Variants in FOXP2 observed in about 807,000 individuals in gnomAD.
FOXP2 encodes forkhead box protein P2.
FOXP2 carries 12 observed loss-of-function variants against 115.8 expected under a neutral mutation model. The observed-to-expected ratio is 0.10, with a 90% confidence interval of 0.07 to 0.17. The LOEUF is 0.17. FOXP2 is among the 10% of genes least tolerant of loss of function. The pLI, the probability that FOXP2 is intolerant of heterozygous loss-of-function variation, is 1.00. For missense variants in FOXP2, 629 were observed against 843.5 expected, an observed-to-expected ratio of 0.75 and a Z score of 3.15; for synonymous variants, 328 against 297.7, an observed-to-expected ratio of 1.10 and a Z score of -1.05.
chr7:114,276,263 T>C (rs561039371), intron 1 of FOXP2, among the ~76,000 whole-genome samples: 1 of 152,188 alleles, frequency 6.6e-6, no homozygotes, highest in East Asian at 1.9e-4. Context: ...GTTCAAGGGA[T>C]TCTACTGCCT....
intron 1 of FOXP2, among the ~76,000 whole-genome samples, chr7:114,149,171 C>T (rs1401033408): frequency 1.3e-5 from 2 of 152,000 alleles, no homozygotes; most frequent in Admixed American, 6.6e-5. Flanking sequence ...TTTCATGGAA[C>T]ATCAGACATT....
chr7:114,211,460 C>A (rs1222439718), intron 1 of FOXP2, among the ~76,000 whole-genome samples: 2 of 152,176 alleles, frequency 1.3e-5, no homozygotes, highest in Non-Finnish European at 2.9e-5. Context: ...GTTCCTTTGG[C>A]TCTGTTCCGC....
At chr7:114,514,795 C>T (rs973067919) in intron 2 of FOXP2, among the ~76,000 whole-genome samples, 5 of 151,148 alleles carry the variant, frequency 3.3e-5, no homozygotes, top group Non-Finnish European at 7.4e-5. Context: ...TATACATGTG[C>T]CATGCTGGTG....
chr7:114,249,024 A>G (rs1795362246), intron 1 of FOXP2, among the ~76,000 whole-genome samples: 3 of 152,174 alleles, frequency 2.0e-5, no homozygotes. Context: ...CATAGCAGAT[A>G]TAGTAATGAA....
chr7:114,325,417 G>T (rs537717811), intron 2 of FOXP2, among the ~76,000 whole-genome samples: 5 of 151,800 alleles, frequency 3.3e-5, no homozygotes, highest in Admixed American at 3.3e-4. Flanking sequence ...AGCAAAAATG[G>T]CATATTTTAT....
chr7:114,280,203 C>T (rs772334525), intron 1 of FOXP2, among the ~76,000 whole-genome samples: 10 of 151,870 alleles, frequency 6.6e-5, no homozygotes, highest in Admixed American at 5.3e-4. Flanking sequence ...CACATGCCCC[C>T]GTAGAATGAA....
intron 1 of FOXP2, among the ~76,000 whole-genome samples, chr7:114,151,521 G>C (rs1792528135): frequency 6.6e-6 from 1 of 151,932 alleles, no homozygotes; most frequent in Admixed American, 6.6e-5. Context: ...CTTAATCATA[G>C]AGAATTTATT....
intron 14 of FOXP2, among the ~76,000 whole-genome samples, chr7:114,662,872 T>G (rs1806950294): frequency 6.6e-6 from 1 of 152,136 alleles, no homozygotes; most frequent in Admixed American, 6.6e-5. Context: ...TAGAATTTAC[T>G]TATTCCCCCA....
chr7:114,579,973 G>A (rs969679786), intron 3 of FOXP2, among the ~76,000 whole-genome samples: 1 of 152,138 alleles, frequency 6.6e-6, no homozygotes. Context: ...GTTAGGAGAG[G>A]TTTATTTGAG....
Position 114,570,880 on chromosome 7 carries a change from C to T in FOXP2, c.258+36174C>T, listed in dbSNP as rs1279078392. 3.1e-6 allele frequency: 5 copies of T among 1,611,568 alleles called. No individual in the cohort carries two copies. The highest frequency in any genetic ancestry group is 1.7e-4 in the Middle Eastern group (1 of 6,048). ...GATGGGCATCCTCACAACACATTTG[C>T]AGTAAGTTACACTGGGCAATTAGAA... is the stretch of plus-strand genomic sequence containing the variant. On this transcript the variant is annotated intron_variant, in intron 3 of 16. Transcript: ENST00000350908.
chr7:114,497,980 G>T (rs1041858876), intron 2 of FOXP2, among the ~76,000 whole-genome samples: 2 of 152,052 alleles, frequency 1.3e-5, no homozygotes, highest in Non-Finnish European at 2.9e-5. Context: ...ACTACAGGTT[G>T]ACTTGAATTT....
chr7:114,637,503 C>T (rs1805285533), intron 6 of FOXP2, among the ~76,000 whole-genome samples: 1 of 152,084 alleles, frequency 6.6e-6, no homozygotes, highest in African/African-American at 2.4e-5. Flanking sequence ...TTTGCCAGTA[C>T]ACGAGTGTTC....
chr7:114,304,719 T>A (rs1050078391), intron 2 of FOXP2, among the ~76,000 whole-genome samples: 5 of 142,924 alleles, frequency 3.5e-5, no homozygotes, highest in Admixed American at 1.4e-4. Context: ...GGAAATTTCA[T>A]AAATTGAAGT....
At position 114,247,219 on chromosome 7, in the gene FOXP2, C is replaced by A. The variant is rs1055313491; in HGVS notation, c.-101-40800C>A. Among the ~76,000 whole-genome samples, 4 of 152,084 alleles carry A rather than the reference C, an allele frequency of 2.6e-5. No homozygotes were observed. The South Asian group carries it at 6.2e-4, about 24-fold the overall frequency. On this transcript the variant is annotated intron_variant, in intron 1 of 17. Transcript: ENST00000634411. Reference sequence around the variant, plus strand: ...GTAATACAGGTTTGTTCTTATTATACGTTCTTTATCTATGAATATATTCCA... The same window carrying A: ...GTAATACAGGTTTGTTCTTATTATAAGTTCTTTATCTATGAATATATTCCA...
At chr7:114,364,056 C>T (rs1249836817) in intron 2 of FOXP2, among the ~76,000 whole-genome samples, 2 of 132,450 alleles carry the variant, frequency 1.5e-5, no homozygotes, top group African/African-American at 5.1e-5. Context: ...ATGAATTAGC[C>T]TTAAGTACTT....
At chr7:114,344,939 T>A (rs371924167) in intron 2 of FOXP2, among the ~76,000 whole-genome samples, 9 of 151,884 alleles carry the variant, frequency 5.9e-5, no homozygotes, top group African/African-American at 1.9e-4. Context: ...ATTTCCCTTT[T>A]CATTTTATAA....
At chr7:114,578,378 T>C (rs1365985386) in intron 3 of FOXP2, among the ~76,000 whole-genome samples, 1 of 152,010 alleles carries the variant, frequency 6.6e-6, no homozygotes, top group Non-Finnish European at 1.5e-5. Context: ...TATGGACTGA[T>C]AGTGTATTAG....
chr7:114,460,335 T>C (rs183463035), intron 2 of FOXP2, among the ~76,000 whole-genome samples: 2 of 152,292 alleles, frequency 1.3e-5, no homozygotes, highest in Admixed American at 1.3e-4. Flanking sequence ...AACTTGCTGT[T>C]TTCTAGAGCT....
intron 3 of FOXP2, among the ~76,000 whole-genome samples, chr7:114,576,151 T>A (rs1455525636): frequency 2.6e-5 from 4 of 151,938 alleles, no homozygotes; most frequent in Non-Finnish European, 5.9e-5. Flanking sequence ...AGTGACCATG[T>A]TTAGGGTTAT....
Sources: gnomAD v4.1 joint callset for allele counts (sites outside exome capture counted in the v4.1 genomes callset) on GRCh38, gnomAD v4.1.1 for gene constraint, MANE v1.5 for transcripts, NCBI Gene and HGNC (gene_info 2026-07-23, HGNC 2026-07-21) for gene names.